RGL1: variants seen among roughly 807,000 people sequenced by gnomAD.
RGL1 encodes ral guanine nucleotide dissociation stimulator like 1.
RGL1 carries 24 observed loss-of-function variants against 95.2 expected under a neutral mutation model. The ratio of observed to expected loss-of-function variants is 0.25; its 90% CI spans 0.18 to 0.35. RGL1 has a LOEUF of 0.35. RGL1 is among the 10% of genes least tolerant of loss of function. The pLI, the probability that RGL1 is intolerant of heterozygous loss-of-function variation, is 1.00. For synonymous variants in RGL1, 329 were observed against 344.9 expected, an observed-to-expected ratio of 0.95 and a Z score of 0.51; for missense variants, 715 against 936.3, an observed-to-expected ratio of 0.76 and a Z score of 3.08.
intron 1 of RGL1, among the ~76,000 whole-genome samples, chr1:183,687,605 T>C (rs1572277128): frequency 6.6e-6 from 1 of 152,152 alleles, no homozygotes; most frequent in African/African-American, 2.4e-5. Context: ...TCACAGTGCT[T>C]TCTCAGAGAA....
chr1:183,805,997 T>TTTTTTTTTTTTTTTTTTTTTTTTTTTTC (rs1661303439), intron 1 of RGL1, among the ~76,000 whole-genome samples: 2 of 80,560 alleles, frequency 2.5e-5, no homozygotes, highest in Non-Finnish European at 4.8e-5. Context: ...TTTTTTTTTT[T>TTTTTTTTTTTTTTTTTTTTTTTTTTTTC]TTTTTTTTTT....
In RGL1 at chr1:183,806,469, G is replaced by A; in HGVS notation, c.122G>A (p.Gly41Glu). ...RVQIQQAANK[G>E]ARWLGVEGDQ... Reference sequence around the variant, plus strand: ...CAGATTCAACAGGCTGCCAATAAAGGAGCAAGATGGCTAGGGGTGAGTAAA... The same window carrying A: ...CAGATTCAACAGGCTGCCAATAAAGAAGCAAGATGGCTAGGGGTGAGTAAA... Residue 41 changes from glycine to glutamate, a missense_variant, in exon 2 of 18, where the codon GGA becomes GAA. Physicochemically the swap from Gly to Glu is moderately conservative, Grantham distance 98 (BLOSUM62 -2). Transcript: ENST00000360851. 1.2e-6 allele frequency: 2 copies of A among 1,613,356 alleles called. No individual in the cohort carries two copies. Among genetic ancestry groups the A allele is most frequent in the Admixed American group, 1.7e-5 (1 of 60,008 alleles).
At chr1:183,710,046 G>T in intron 1 of RGL1, 1 of 159,704 alleles carries the variant, frequency 6.3e-6, no homozygotes, top group South Asian at 1.8e-4. Flanking sequence ...TCCTGGTGGT[G>T]ATCATGTCAT....
At chr1:183,832,672 T>A (rs1215813465) in intron 2 of RGL1, among the ~76,000 whole-genome samples, 1 of 152,196 alleles carries the variant, frequency 6.6e-6, no homozygotes, top group African/African-American at 2.4e-5. Flanking sequence ...CTGCTTGAAT[T>A]TGAATCCTGG....
At chr1:183,714,198 T>G (rs1172510297) in intron 1 of RGL1, among the ~76,000 whole-genome samples, 1 of 152,218 alleles carries the variant, frequency 6.6e-6, no homozygotes, top group East Asian at 1.9e-4. Context: ...TCTTATTTCA[T>G]GCAGATGCCC....
chr1:183,851,064 AG>A (rs1664799039), intron 3 of RGL1, among the ~76,000 whole-genome samples: 1 of 152,242 alleles, frequency 6.6e-6, no homozygotes, highest in South Asian at 2.1e-4. Context: ...TCTATTATAG[AG>A]GATAGATGTT....
intron 1 of RGL1, among the ~76,000 whole-genome samples, chr1:183,706,260 A>G (rs201710889): frequency 1.3e-3 from 180 of 140,872 alleles, no homozygotes; most frequent in Middle Eastern, 3.5e-3. Context: ...AAAAGTGGAG[A>G]GGTGGCTCGG....
intron 2 of RGL1, among the ~76,000 whole-genome samples, chr1:183,750,585 C>T (rs1657927381): frequency 6.6e-6 from 1 of 151,702 alleles, no homozygotes; most frequent in Non-Finnish European, 1.5e-5. Flanking sequence ...CATTCTCCAT[C>T]CAGTTTTGTT....
chr1:183,826,370 T>G (rs1461801701), intron 2 of RGL1, among the ~76,000 whole-genome samples: 1 of 152,214 alleles, frequency 6.6e-6, no homozygotes, highest in African/African-American at 2.4e-5. Context: ...CACCACTGTC[T>G]AATATACCTT....
At chr1:183,887,237 TAAGGGG>T (rs1309653169) in intron 7 of RGL1, among the ~76,000 whole-genome samples, 1 of 23,002 alleles carries the variant, frequency 4.3e-5, no homozygotes, top group Non-Finnish European at 9.0e-5. Flanking sequence ...TCTTTCCAAA[TAAGGGG>T]AGGACATTGA....
chr1:183,752,514 T>C (rs10127870), intron 2 of RGL1, among the ~76,000 whole-genome samples: 67,670 of 152,026 alleles, frequency 0.45, 16,102 homozygotes, highest in East Asian at 0.8. Context: ...TGTGAGCCAC[T>C]GTGCCCAGCC....
chr1:183,805,199 C>G lies in RGL1; in HGVS notation c.-99C>G. 1 of 1,529,544 alleles carries G rather than the reference C, an allele frequency of 6.5e-7. No individual in the cohort carries two copies. The highest frequency in any genetic ancestry group is 2.1e-4 in the Middle Eastern group (1 of 4,734). 94.7% of individuals were successfully genotyped at this position (1,529,544 alleles called of 1,614,324 possible). On this transcript the variant is annotated 5_prime_UTR_variant, in exon 1 of 18. Transcript: ENST00000360851. ...GCGCTGCGGTCGCTCGGGACCGGGA[C>G]CGGGGCGAGGCGCCGCGGGGCTGAG...
At chr1:183,806,889 CTA>C (rs1661383089) in intron 2 of RGL1, among the ~76,000 whole-genome samples, 1 of 152,242 alleles carries the variant, frequency 6.6e-6, no homozygotes, top group Middle Eastern at 3.4e-3. Context: ...TGCCTTGCTC[CTA>C]TATCTCTAGG....
At chr1:183,873,468 T>C (rs943104454) in intron 4 of RGL1, among the ~76,000 whole-genome samples, 1 of 152,166 alleles carries the variant, frequency 6.6e-6, no homozygotes, top group African/African-American at 2.4e-5. Flanking sequence ...TTGACTAAGA[T>C]CAGGCAGGTG....
intron 2 of RGL1, among the ~76,000 whole-genome samples, chr1:183,818,987 A>T (rs547280313): frequency 6.6e-6 from 1 of 152,326 alleles, no homozygotes; most frequent in East Asian, 1.9e-4. Flanking sequence ...ACCTTTATAG[A>T]TGGGATGACT....
chr1:183,857,270 G>C (rs946669013), intron 3 of RGL1, among the ~76,000 whole-genome samples: 4 of 152,180 alleles, frequency 2.6e-5, no homozygotes, highest in Admixed American at 2.6e-4. Flanking sequence ...AGCTAGAAAA[G>C]GGGATTGAAC....
At chr1:183,762,427 G>T (rs1453052071) in intron 2 of RGL1, among the ~76,000 whole-genome samples, 1 of 152,206 alleles carries the variant, frequency 6.6e-6, no homozygotes, top group Non-Finnish European at 1.5e-5. Context: ...GGAGCAGTGA[G>T]AACACACACA....
chr1:183,905,781 C>T (rs912263099), intron 13 of RGL1, among the ~76,000 whole-genome samples: 1 of 151,976 alleles, frequency 6.6e-6, no homozygotes, highest in African/African-American at 2.4e-5. Context: ...TGGCCCACTG[C>T]CTGTTTTTAC....
intron 3 of RGL1, among the ~76,000 whole-genome samples, chr1:183,863,454 C>G (rs189665169): frequency 2.9e-4 from 44 of 152,170 alleles, no homozygotes; most frequent in African/African-American, 1.1e-3. Flanking sequence ...CAGACATGTG[C>G]CACCATGCTT....
Sources: allele counts gnomAD v4.1 joint callset (sites outside exome capture counted in the v4.1 genomes callset), GRCh38; gene constraint gnomAD v4.1.1; transcripts MANE v1.5; gene names NCBI Gene and HGNC (gene_info 2026-07-23, HGNC 2026-07-21).